The following FLACC1 variants were observed in gnomAD, a reference collection of about 807,000 sequenced individuals.
FLACC1 encodes the protein flagellum associated containing coiled-coil domains 1.
FLACC1 carries 66 observed loss-of-function variants against 62.8 expected under a neutral mutation model. That is an observed-to-expected ratio of 1.05 (90% CI 0.86 to 1.29). The LOEUF is 1.29. Ranked by LOEUF, FLACC1 falls within the 50% of genes most tolerant of loss-of-function variation. The pLI, the probability that FLACC1 is intolerant of heterozygous loss-of-function variation, is 0.00. For synonymous variants in FLACC1, 156 were observed against 161.0 expected, an observed-to-expected ratio of 0.97 and a Z score of 0.24; for missense variants, 452 against 489.1, an observed-to-expected ratio of 0.92 and a Z score of 0.71.
the FLACC1 span, among the ~76,000 whole-genome samples, chr2:201,364,055 G>C: frequency 6.6e-6 from 1 of 152,160 alleles, no homozygotes; most frequent in Non-Finnish European, 1.5e-5. Context: ...TGAGGTAACA[G>C]AGCTTTTCCC....
chr2:201,305,222 T>C (rs1193059812), intron 11 of FLACC1, among the ~76,000 whole-genome samples: 1 of 152,010 alleles, frequency 6.6e-6, no homozygotes, highest in African/African-American at 2.4e-5. Flanking sequence ...ACTAAGAACT[T>C]AAACAAATTT....
intron 9 of FLACC1, among the ~76,000 whole-genome samples, chr2:201,319,078 C>G (rs1452961771): frequency 6.6e-6 from 1 of 152,070 alleles, no homozygotes; most frequent in East Asian, 1.9e-4. Context: ...CCTCCTGTTT[C>G]CTAATAACCC....
chr2:201,309,189 T>C lies in FLACC1; in HGVS notation c.737A>G (p.Asp246Gly), dbSNP rs1408579242. Reference protein sequence around the residue: ...WSKQKAKWKKDEKFERENILL... With the variant: ...WSKQKAKWKKGEKFERENILL... ...GATATTTTCTCGCTCGAACTTCTCATCCTTCTTCCATTTCGCCTTCTGTTT... is the reference window on the plus strand; with the variant it reads ...GATATTTTCTCGCTCGAACTTCTCACCCTTCTTCCATTTCGCCTTCTGTTT... The change falls in exon 10 of 15, where the codon GAT becomes GGT. Residue 246 changes from aspartate (D) to glycine (G), a missense_variant. Physicochemically the swap from Asp to Gly is moderately conservative, Grantham distance 94. Around this residue, in one of 3 missense-constraint regions of FLACC1, gnomAD observed 301 missense variants for 318.4 expected, o/e 0.95. Coordinates refer to ENST00000392257, the MANE Select transcript of FLACC1 (RefSeq NM_001127391.3). 8.1e-6 allele frequency: 13 copies of C among 1,613,998 alleles called. No homozygotes were observed. Among genetic ancestry groups the C allele is most frequent in the Non-Finnish European group, 1.1e-5 (13 of 1,179,966 alleles).
intron 11 of FLACC1, among the ~76,000 whole-genome samples, chr2:201,303,837 T>C (rs967442329): frequency 2.0e-5 from 3 of 152,212 alleles, no homozygotes; most frequent in African/African-American, 7.2e-5. Flanking sequence ...ACCACATGAT[T>C]ATCTCAATAG....
intron 7 of FLACC1, among the ~76,000 whole-genome samples, chr2:201,336,909 C>G (rs1316466158): frequency 6.6e-6 from 1 of 152,148 alleles, no homozygotes; most frequent in Non-Finnish European, 1.5e-5. Flanking sequence ...TGATGTTGAA[C>G]ACATACTTGT....
chr2:201,348,260 T>C lies in FLACC1; in HGVS notation c.228A>G (p.Ser76=), dbSNP rs1950957890. Residue 76 remains serine, a synonymous_variant, in exon 4 of 15, where the codon TCA becomes TCG. Coordinates refer to ENST00000392257, the MANE Select transcript of FLACC1 (RefSeq NM_001127391.3). The stretch of plus-strand genomic sequence containing the variant: ...CTCTCCTGCCTTTACTCACATAAAA[T>C]GATTTATTAGTCTCTTCTTGCCTTG... ...HSARQEETNK[S]FYEVINVSPG... 2 of 1,612,918 alleles carry C rather than the reference T, an allele frequency of 1.2e-6. No individual in the cohort carries two copies. Among genetic ancestry groups the C allele is most frequent in the South Asian group, 2.2e-5 (2 of 90,902 alleles).
chr2:201,357,359 T>C (rs1413375168), upstream of FLACC1: 2 of 152,208 alleles, frequency 1.3e-5, no homozygotes, highest in Non-Finnish European at 2.9e-5. Context: ...GGTTTGCCCT[T>C]GGGAGATGGC....
At position 201,308,964 on chromosome 2, in the gene FLACC1, C is replaced by CA. The variant is rs1313198212; in HGVS notation, c.775+186dup. 1.1e-4 allele frequency among the ~76,000 whole-genome samples: 17 copies of CA among 152,204 alleles called. No individual in the cohort carries two copies. The East Asian group carries it at 2.9e-3, about 26-fold the overall frequency. ...TCTCTTAGATCAGATGCCTGAACTTCAAAAAAGACCCTACCCTTGTTGTCA... is the reference window on the plus strand; with the variant it reads ...TCTCTTAGATCAGATGCCTGAACTTCAAAAAAAGACCCTACCCTTGTTGTCA... On this transcript the variant is annotated intron_variant, in intron 10 of 14. Transcript: ENST00000392257.
intron 7 of FLACC1, among the ~76,000 whole-genome samples, chr2:201,338,345 A>C (rs1950737127): frequency 6.6e-6 from 1 of 152,158 alleles, no homozygotes; most frequent in Admixed American, 6.5e-5. Context: ...TTTTTCGGCA[A>C]AGAGAGATCA....
chr2:201,359,720 G>A (rs1269487078), upstream of FLACC1, among the ~76,000 whole-genome samples: 2 of 151,944 alleles, frequency 1.3e-5, no homozygotes, highest in African/African-American at 2.4e-5. Flanking sequence ...TGTGTTGATG[G>A]AGGGAAGCGT....
intron 9 of FLACC1, among the ~76,000 whole-genome samples, chr2:201,330,047 G>A (rs184069319): frequency 3.0e-4 from 46 of 152,228 alleles, no homozygotes; most frequent in Middle Eastern, 3.4e-3. Context: ...ATAATATCAA[G>A]TCATTATAAA....
intron 7 of FLACC1, among the ~76,000 whole-genome samples, chr2:201,338,078 T>C (rs1950730628): frequency 6.6e-6 from 1 of 152,242 alleles, no homozygotes; most frequent in African/African-American, 2.4e-5. Flanking sequence ...ATTTATTACA[T>C]CTGTGTTTTG....
At chr2:201,323,470 C>T (rs1213464688) in intron 9 of FLACC1, among the ~76,000 whole-genome samples, 1 of 152,096 alleles carries the variant, frequency 6.6e-6, no homozygotes, top group Non-Finnish European at 1.5e-5. Flanking sequence ...AACTGTCAGC[C>T]AAGAATTCTG....
Position 201,346,533 on chromosome 2 carries a change from C to T in FLACC1, c.368+9G>A. 1.9e-6 allele frequency: 3 copies of T among 1,613,358 alleles called. No homozygotes were observed. The highest frequency in any genetic ancestry group is 2.2e-5 in the South Asian group (2 of 91,078). On this transcript the variant is annotated intron_variant, in intron 5 of 14. Transcript: ENST00000392257. This position sits in a 1 kb window ranked among gnomAD's most constrained non-coding sequence, Gnocchi z 4.0. ...CCCAAGCAGCTGCATGTTGCTGCAA[C>T]AGCATTACCTGGAAAATCTGCCTTT...
chr2:201,362,208 A>G (rs1423949248), upstream of FLACC1, among the ~76,000 whole-genome samples: 3 of 152,224 alleles, frequency 2.0e-5, no homozygotes, highest in African/African-American at 7.2e-5. Flanking sequence ...GTCATTTGTG[A>G]AAGAAAACAC....
At chr2:201,336,104 C>T (rs970231964) in intron 7 of FLACC1, among the ~76,000 whole-genome samples, 1 of 142,934 alleles carries the variant, frequency 7.0e-6, no homozygotes, top group Admixed American at 6.9e-5. Context: ...GATTTCATTG[C>T]TCAGGTAGTG....
At chr2:201,289,421 A>G in intron 14 of FLACC1, 36 bp downstream of exon 14, 2 of 1,592,214 alleles carry the variant, frequency 1.3e-6, no homozygotes, top group South Asian at 1.1e-5. Flanking sequence ...ACTCCTAAAG[A>G]GAACTCAGCT....
At chr2:201,303,934 A>G (rs1950045944) in intron 11 of FLACC1, among the ~76,000 whole-genome samples, 1 of 152,218 alleles carries the variant, frequency 6.6e-6, no homozygotes, top group South Asian at 2.1e-4. Flanking sequence ...GTATCTCAAA[A>G]TAATAAGAGC....
chr2:201,291,359 G>T (rs944703529), intron 12 of FLACC1, among the ~76,000 whole-genome samples: 2 of 152,228 alleles, frequency 1.3e-5, no homozygotes, highest in Non-Finnish European at 2.9e-5. Flanking sequence ...AGCAACATTT[G>T]CTGTTCACCA....
Sources: allele counts gnomAD v4.1 joint callset (sites outside exome capture counted in the v4.1 genomes callset), GRCh38; gene constraint gnomAD v4.1.1; regional missense constraint gnomAD v4.1.1; non-coding constraint Gnocchi (gnomAD v3.1); transcripts MANE v1.5; gene names NCBI Gene and HGNC (gene_info 2026-07-23, HGNC 2026-07-21).